Variants in KCNH1 observed in about 807,000 individuals in gnomAD.
KCNH1 encodes voltage-gated delayed rectifier potassium channel KCNH1.
Under a neutral mutation model 69.2 loss-of-function variants are expected in KCNH1, and 27 were observed. The ratio of observed to expected loss-of-function variants is 0.39; its 90% CI spans 0.29 to 0.54. The LOEUF is 0.54. Ranked by LOEUF, KCNH1 falls within the 20% of genes least tolerant of loss-of-function variation. The pLI, the probability that KCNH1 is intolerant of heterozygous loss-of-function variation, is 0.68. For missense variants in KCNH1, 798 were observed against 1,261.6 expected, an observed-to-expected ratio of 0.63 and a Z score of 5.57; for synonymous variants, 456 against 487.7, an observed-to-expected ratio of 0.93 and a Z score of 0.86.
intron 7 of KCNH1, among the ~76,000 whole-genome samples, chr1:210,894,931 A>G (rs1213173268): frequency 2.0e-5 from 3 of 151,648 alleles, no homozygotes; most frequent in Non-Finnish European, 4.4e-5. Context: ...CCTCTGTCAT[A>G]TCTAGCTGCC....
At chr1:211,096,408 C>A (rs547423390) in intron 3 of KCNH1, among the ~76,000 whole-genome samples, 1 of 152,208 alleles carries the variant, frequency 6.6e-6, no homozygotes. Flanking sequence ...AAATTTCTCA[C>A]CTGTAAGATG....
At position 211,008,058 on chromosome 1, in the gene KCNH1, C is replaced by T. The variant is rs376105547; in HGVS notation, c.1032+10725G>A. ...GCAATTCTACTTCTATATATATATA[C>T]CCAAAAGAATTAAAAGCAGGGACTT... On this transcript the variant is annotated intron_variant, in intron 6 of 10. Transcript: ENST00000271751. Among the ~76,000 whole-genome samples, 18 of 152,128 alleles carry T rather than the reference C, an allele frequency of 1.2e-4. No individual in the cohort carries two copies. In the East Asian group the frequency reaches 1.7e-3, roughly 15 times the overall value.
chr1:210,702,399 C>T (rs527567974), intron 10 of KCNH1, among the ~76,000 whole-genome samples: 4 of 152,262 alleles, frequency 2.6e-5, no homozygotes, highest in African/African-American at 9.6e-5. Flanking sequence ...TCCTCCTCCC[C>T]TTTTTCCTTA....
At chr1:210,685,667 G>A (rs1681393092) in intron 10 of KCNH1, among the ~76,000 whole-genome samples, 2 of 152,056 alleles carry the variant, frequency 1.3e-5, no homozygotes, top group African/African-American at 4.8e-5. Context: ...TGAAATCACT[G>A]GCCCACTGGA....
chr1:211,006,010 G>A (rs1243578480), intron 6 of KCNH1, among the ~76,000 whole-genome samples: 1 of 152,116 alleles, frequency 6.6e-6, no homozygotes, highest in Non-Finnish European at 1.5e-5. Context: ...AATCTCTTTA[G>A]TCATTCAAAA....
intron 5 of KCNH1, among the ~76,000 whole-genome samples, chr1:211,060,680 C>T (rs1690419842): frequency 6.6e-6 from 1 of 151,816 alleles, no homozygotes; most frequent in Non-Finnish European, 1.5e-5. Flanking sequence ...CTACTATGAG[C>T]AATTATATGC....
intron 1 of KCNH1, among the ~76,000 whole-genome samples, chr1:211,121,843 C>T (rs1691690750): frequency 6.6e-6 from 1 of 152,122 alleles, no homozygotes; most frequent in Non-Finnish European, 1.5e-5. Flanking sequence ...AAGAGAAAAA[C>T]AAACAACCCC....
intron 7 of KCNH1, among the ~76,000 whole-genome samples, chr1:210,891,268 T>C (rs1258460183): frequency 6.6e-6 from 1 of 152,150 alleles, no homozygotes; most frequent in Non-Finnish European, 1.5e-5. Context: ...GAAACCATTA[T>C]TCTGAGCAAA....
Position 211,132,114 on chromosome 1 carries a change from T to C in KCNH1, c.79+1753A>G, listed in dbSNP as rs192026144. On this transcript the variant is annotated intron_variant, in intron 1 of 10. Coordinates refer to ENST00000271751, the MANE Select transcript of KCNH1 (RefSeq NM_172362.3). ...CACTCAAAAACATACACAGTATACA[T>C]TAGGTACTGGGTTTCCCCTCTAACT... 1.7e-4 allele frequency among the ~76,000 whole-genome samples: 26 copies of C among 152,338 alleles called. No individual in the cohort carries two copies. The East Asian group carries it at 5.0e-3, about 29-fold the overall frequency.
intron 1 of KCNH1, among the ~76,000 whole-genome samples, chr1:211,116,532 C>A (rs1236640515): frequency 1.3e-5 from 2 of 152,194 alleles, no homozygotes. Flanking sequence ...TGTCCACCCA[C>A]CCCTAGATAG....
intron 4 of KCNH1, among the ~76,000 whole-genome samples, chr1:211,085,490 A>C (rs1690936022): frequency 6.6e-6 from 1 of 152,142 alleles, no homozygotes; most frequent in Non-Finnish European, 1.5e-5. Flanking sequence ...TAGAAAAAAA[A>C]AAAAAAGACT....
At chr1:210,863,775 C>T (rs570135032) in intron 7 of KCNH1, among the ~76,000 whole-genome samples, 1 of 152,276 alleles carries the variant, frequency 6.6e-6, no homozygotes, top group African/African-American at 2.4e-5. Context: ...AGAACTGTGT[C>T]CTTCCTTCTC....
At chr1:210,875,728 AGGAGGT>A (rs1316950334) in intron 7 of KCNH1, among the ~76,000 whole-genome samples, 1 of 151,802 alleles carries the variant, frequency 6.6e-6, no homozygotes, top group African/African-American at 2.4e-5. Context: ...GCTTGAATCC[AGGAGGT>A]GGAGGTTGCA....
At chr1:211,108,045 A>C (rs183661733) in intron 1 of KCNH1, among the ~76,000 whole-genome samples, 1 of 152,338 alleles carries the variant, frequency 6.6e-6, no homozygotes, top group African/African-American at 2.4e-5. Context: ...AAACGCAGCC[A>C]CAGAGCTGCA....
chr1:211,002,572 C>A (rs1445530812), intron 6 of KCNH1, among the ~76,000 whole-genome samples: 1 of 151,920 alleles, frequency 6.6e-6, no homozygotes, highest in Non-Finnish European at 1.5e-5. Flanking sequence ...TTATCCTTAA[C>A]ATACTTTATG....
intron 6 of KCNH1, among the ~76,000 whole-genome samples, chr1:211,000,081 C>T (rs1347800134): frequency 2.6e-5 from 4 of 152,184 alleles, no homozygotes; most frequent in African/African-American, 4.8e-5. Context: ...AAACTGGAAG[C>T]ATTCCCTTTG....
intron 5 of KCNH1, among the ~76,000 whole-genome samples, chr1:211,061,043 T>C (rs1011553135): frequency 1.3e-5 from 2 of 152,154 alleles, no homozygotes; most frequent in Admixed American, 1.3e-4. Context: ...TGATGAACAT[T>C]GATGCAAAAA....
At chr1:210,708,189 G>C (rs17016740) in intron 10 of KCNH1, among the ~76,000 whole-genome samples, 9,327 of 150,758 alleles carry the variant, frequency 0.062, 381 homozygotes, top group African/African-American at 0.1. Context: ...CATTTATGCT[G>C]CTTTTACTCT....
chr1:210,878,098 A>C (rs533458660), intron 7 of KCNH1, among the ~76,000 whole-genome samples: 2 of 152,162 alleles, frequency 1.3e-5, no homozygotes. Flanking sequence ...TTGCATAATA[A>C]AGGGATCAAT....
Sources: gnomAD v4.1 joint callset for allele counts (sites outside exome capture counted in the v4.1 genomes callset) on GRCh38, gnomAD v4.1.1 for gene constraint, MANE v1.5 for transcripts, NCBI Gene and HGNC (gene_info 2026-07-23, HGNC 2026-07-21) for gene names.